The following SND1 variants were observed in gnomAD, a reference collection of about 807,000 sequenced individuals.
SND1 encodes the protein staphylococcal nuclease domain-containing protein 1.
Under a neutral mutation model 121.7 loss-of-function variants are expected in SND1, and 38 were observed. That is an observed-to-expected ratio of 0.31 (90% CI 0.24 to 0.41). SND1 has a LOEUF of 0.41. SND1 is among the 10% of genes least tolerant of loss of function. SND1 has a pLI of 1.00. For missense variants in SND1, 868 were observed against 1,184.6 expected (o/e 0.73, Z 3.92); for synonymous variants, 401 against 447.4 (o/e 0.90, Z 1.31).
chr7:127,807,060 A>G (rs73457858), intron 10 of SND1, among the ~76,000 whole-genome samples: 67 of 152,348 alleles, frequency 4.4e-4, no homozygotes, highest in African/African-American at 1.6e-3. Context: ...CCAGGATTAT[A>G]TATGTATTTA....
intron 10 of SND1, among the ~76,000 whole-genome samples, chr7:127,766,650 C>T (rs1052046481): frequency 6.6e-6 from 1 of 151,434 alleles, no homozygotes; most frequent in African/African-American, 2.4e-5. Context: ...TGGCGGGCAC[C>T]TGTAGTCCCA....
chr7:127,777,502 G>A (rs1441704968), intron 10 of SND1, among the ~76,000 whole-genome samples: 1 of 152,178 alleles, frequency 6.6e-6, no homozygotes, highest in Non-Finnish European at 1.5e-5. Flanking sequence ...AGGAAGTTTG[G>A]TTGTCCATAT....
chr7:127,759,947 C>T (rs755299954), intron 10 of SND1, among the ~76,000 whole-genome samples: 1 of 152,096 alleles, frequency 6.6e-6, no homozygotes, highest in Non-Finnish European at 1.5e-5. Flanking sequence ...AGGAATGTAC[C>T]CTATAGTGCC....
At chr7:127,914,327 T>C (rs1800523490) in intron 14 of SND1, among the ~76,000 whole-genome samples, 1 of 152,190 alleles carries the variant, frequency 6.6e-6, no homozygotes, top group African/African-American at 2.4e-5. Flanking sequence ...CATTTCTTCT[T>C]TTTGCAATGC....
intron 11 of SND1, among the ~76,000 whole-genome samples, chr7:127,812,974 G>A (rs1417737628): frequency 1.3e-5 from 2 of 152,112 alleles, no homozygotes; most frequent in African/African-American, 4.8e-5. Context: ...TCATGCTATG[G>A]AAAAGTCCTT....
At chr7:127,800,066 C>T (rs1210517159) in intron 10 of SND1, among the ~76,000 whole-genome samples, 1 of 152,172 alleles carries the variant, frequency 6.6e-6, no homozygotes, top group Non-Finnish European at 1.5e-5. Context: ...TGTTCTGTCT[C>T]CTGGATGCCA....
At chr7:128,045,876 G>A (rs772798109) in intron 16 of SND1, among the ~76,000 whole-genome samples, 87 of 152,298 alleles carry the variant, frequency 5.7e-4, no homozygotes, top group Non-Finnish European at 1.1e-3. Flanking sequence ...ACAAAGGCAG[G>A]AGAAGCATAG....
At chr7:127,674,964 G>A (rs2402867) in intron 1 of SND1, among the ~76,000 whole-genome samples, 49,772 of 152,154 alleles carry the variant, frequency 0.33, 9,060 homozygotes, top group Admixed American at 0.42. Flanking sequence ...ACTTTGGGAG[G>A]CCAAGGCAGG....
intron 10 of SND1, among the ~76,000 whole-genome samples, chr7:127,764,949 G>A (rs1797385618): frequency 6.6e-6 from 1 of 152,180 alleles, no homozygotes. Context: ...ATTGCAGATG[G>A]TTTCCCCCTT....
At chr7:127,807,694 G>A (rs1451877987) in intron 11 of SND1, 121 bp downstream of exon 11, 2 of 747,578 alleles carry the variant, frequency 2.7e-6, no homozygotes, top group Non-Finnish European at 4.7e-6. Context: ...AAGTCAAATG[G>A]AATTACTTTG....
intron 10 of SND1, among the ~76,000 whole-genome samples, chr7:127,730,800 C>A (rs1001165409): frequency 1.3e-5 from 2 of 152,104 alleles, no homozygotes; most frequent in African/African-American, 2.4e-5. Context: ...TCACTGGGGG[C>A]CTTTACTCAT....
At chr7:127,939,031 T>C (rs1463511869) in intron 15 of SND1, among the ~76,000 whole-genome samples, 1 of 152,200 alleles carries the variant, frequency 6.6e-6, no homozygotes, top group Admixed American at 6.5e-5. Flanking sequence ...AGCATAAGGG[T>C]AAGCAAAACA....
intron 1 of SND1, among the ~76,000 whole-genome samples, chr7:127,665,755 G>C (rs73450923): frequency 0.22 from 33,378 of 152,000 alleles, 4,234 homozygotes; most frequent in African/African-American, 0.35. Context: ...TAGGAATTCT[G>C]TTCCAGGAGA....
At chr7:127,851,913 TAAG>T (rs1372133592) in intron 12 of SND1, among the ~76,000 whole-genome samples, 1 of 152,172 alleles carries the variant, frequency 6.6e-6, no homozygotes, top group African/African-American at 2.4e-5. Flanking sequence ...TCCCAGCACT[TAAG>T]GAGGTGGAGG....
intron 10 of SND1, among the ~76,000 whole-genome samples, chr7:127,793,350 C>T (rs1458536031): frequency 6.6e-6 from 1 of 152,152 alleles, no homozygotes; most frequent in Non-Finnish European, 1.5e-5. Context: ...TCTCAGGTCT[C>T]TCAGTGAAGT....
intron 12 of SND1, among the ~76,000 whole-genome samples, chr7:127,880,736 T>C (rs1799775166): frequency 6.6e-6 from 1 of 151,898 alleles, no homozygotes; most frequent in South Asian, 2.1e-4. Context: ...TGTGTGTGTG[T>C]GTATAATGGT....
At chr7:128,053,615 G>A (rs1793085424) in intron 16 of SND1, among the ~76,000 whole-genome samples, 1 of 152,142 alleles carries the variant, frequency 6.6e-6, no homozygotes. Flanking sequence ...CAAGAGGATG[G>A]AACATAGCAG....
intron 20 of SND1, chr7:128,086,458 C>T (rs1793689773): frequency 4.1e-6 from 1 of 246,018 alleles, no homozygotes; most frequent in South Asian, 4.7e-5. Context: ...CCTGGGAATA[C>T]ACAAAGGAAG....
In SND1 at chr7:128,029,728, C is replaced by T. The variant is rs762254477; in HGVS notation, c.1779+38672C>T. On this transcript the variant is annotated intron_variant, in intron 16 of 23. Transcript: ENST00000354725. This position sits in a 1 kb window ranked among gnomAD's most constrained non-coding sequence, Gnocchi z 4.2. ...CAGGCTAGCCACAGAATGTCACAAT[C>T]ACAGTTCCAAGGGTTGTGGTGTAGA... The T allele has an allele frequency of 2.5e-6, 4 of 1,614,148 alleles. No homozygotes were observed. The highest frequency in any genetic ancestry group is 3.4e-6 in the Non-Finnish European group (4 of 1,180,034).
Sources: gnomAD v4.1 joint callset for allele counts (sites outside exome capture counted in the v4.1 genomes callset) on GRCh38, gnomAD v4.1.1 for gene constraint, Gnocchi (gnomAD v3.1) non-coding constraint, MANE v1.5 for transcripts, NCBI Gene and HGNC (gene_info 2026-07-23, HGNC 2026-07-21) for gene names.